Variants in CCDC77 observed in about 807,000 individuals in gnomAD.
CCDC77 encodes coiled-coil domain-containing protein 77.
Under a neutral mutation model 66.8 loss-of-function variants are expected in CCDC77, and 56 were observed. The observed-to-expected ratio is 0.84, with a 90% CI of 0.68 to 1.05. The LOEUF (loss-of-function observed/expected upper bound fraction) is 1.05. Ranked by LOEUF, CCDC77 falls within the 50% of genes least tolerant of loss-of-function variation. CCDC77 has a pLI of 0.00. For missense variants in CCDC77, 570 were observed against 576.8 expected (o/e 0.99, Z 0.12); for synonymous variants, 196 against 195.2 (o/e 1.00, Z -0.03).
At chr12:437,406 T>C (rs1945778250) in intron 9 of CCDC77, among the ~76,000 whole-genome samples, 1 of 152,146 alleles carries the variant, frequency 6.6e-6, no homozygotes, top group African/African-American at 2.4e-5. Context: ...AAAAAGTGCA[T>C]GTTGACAGTT....
chr12:428,745 G>T (rs1188159779), intron 5 of CCDC77, 24 bp from the exon 6 acceptor site: 3 of 1,517,968 alleles, frequency 2.0e-6, no homozygotes, highest in South Asian at 2.3e-5. Context: ...AATAATATGT[G>T]CTTGCTTTCC....
At chr12:397,587 G>C (rs1944844908), upstream of CCDC77, among the ~76,000 whole-genome samples, 1 of 151,966 alleles carries the variant, frequency 6.6e-6, no homozygotes, top group South Asian at 2.1e-4. Flanking sequence ...CGATACTGTA[G>C]TCTAGTGCAT....
In CCDC77 at chr12:423,470, G is replaced by GTGTT. The variant is rs1565572116; in HGVS notation, c.413+4835_413+4836insGTTT. On this transcript the variant is annotated intron_variant, in intron 5 of 12. Coordinates refer to ENST00000239830, the MANE Select transcript of CCDC77 (RefSeq NM_032358.4). The stretch of plus-strand genomic sequence containing the variant: ...TTGTTATTTTCTGGGTGTTTTTTGT[G>GTGTT]TTTTTTGTGTTTTTTTTTGTTTTGT... Among the ~76,000 whole-genome samples the GTGTT allele has an allele frequency of 3.8e-4, 17 of 44,876 alleles. 3 individuals carry two copies. Among genetic ancestry groups the GTGTT allele is most frequent in the East Asian group, 3.4e-3 (3 of 880 alleles). 29.4% of individuals were successfully genotyped at this position (44,876 alleles called of 152,430 possible).
intron 10 of CCDC77, among the ~76,000 whole-genome samples, chr12:438,855 T>G (rs370359901): frequency 2.7e-5 from 4 of 149,920 alleles, no homozygotes; most frequent in East Asian, 4.0e-4. Context: ...AATCGTGAGG[T>G]CAGGAGTTCA....
At chr12:429,444 G>A (rs1945604670) in intron 6 of CCDC77, among the ~76,000 whole-genome samples, 1 of 149,268 alleles carries the variant, frequency 6.7e-6, no homozygotes, top group South Asian at 2.1e-4. Context: ...GTTTTCTAAA[G>A]GTCCTTGGCC....
chr12:409,290 A>C (rs1434330744), intron 2 of CCDC77, 78 bp from the exon 3 acceptor site: 18 of 938,400 alleles, frequency 1.9e-5, no homozygotes, highest in Non-Finnish European at 3.1e-5. Context: ...GATGTTGAAG[A>C]GGGAACCAGT....
At position 440,933 on chromosome 12, in the gene CCDC77, C is replaced by T. The variant is rs757639529; in HGVS notation, c.1257C>T (p.Gly419=). Residue 419 remains glycine (G), a synonymous_variant, in exon 12 of 13, where the codon GGC becomes GGT. Transcript: ENST00000239830. ...LERRRILEVE[G]FKTDIKVLRQ... is the part of the protein sequence containing the mutation. ...GTCGACGTATCCTGGAAGTAGAAGG[C>T]TTTAAGACAGATATTAAAGTTCTCC... 9.9e-6 allele frequency: 16 copies of T among 1,613,476 alleles called. No homozygotes were observed. The highest frequency in any genetic ancestry group is 1.3e-5 in the Non-Finnish European group (15 of 1,180,012).
intron 4 of CCDC77, among the ~76,000 whole-genome samples, chr12:414,662 C>T (rs780650117): frequency 1.2e-4 from 19 of 152,194 alleles, no homozygotes; most frequent in Admixed American, 3.3e-4. Context: ...CGCCTTCCTC[C>T]GTTTCTCATG....
Position 438,371 on chromosome 12 carries a change from C to T in CCDC77, c.858C>T (p.Thr286=), listed in dbSNP as rs1254035178. ...HHTQELLYES[T]KDFLQLRSEN... ...CCCAAGAACTGCTCTATGAGAGCAC[C>T]AAAGATTTTCTGCAACTCAGATCTG... Residue 286 remains threonine, a synonymous_variant, in exon 10 of 13, where the codon ACC becomes ACT. Transcript: ENST00000239830. 1.9e-6 allele frequency: 3 copies of T among 1,613,782 alleles called. No homozygotes were observed. In the African/African-American group the frequency reaches 4.0e-5, roughly 22 times the overall value.
At chr12:432,794 TG>T (rs932157167) in intron 8 of CCDC77, among the ~76,000 whole-genome samples, 47 of 152,324 alleles carry the variant, frequency 3.1e-4, no homozygotes, top group African/African-American at 1.1e-3. Context: ...CCCAGCATTT[TG>T]GGAGGCCAAG....
chr12:438,756 C>A (rs775913974), intron 10 of CCDC77: 1 of 506,330 alleles, frequency 2.0e-6, no homozygotes, highest in African/African-American at 2.0e-5. Context: ...TTCATTCATT[C>A]ATTCATTCAA....
In CCDC77 at chr12:441,997, G is replaced by A; in HGVS notation, c.*77G>A. ...CTGAGGACAAGGTCATCTGCTGCCA[G>A]AAAATGTAAACCTGAGTTGACTAGA... On this transcript the variant is annotated 3_prime_UTR_variant, in exon 13 of 13. Transcript: ENST00000239830. 3 of 1,507,616 alleles carry A rather than the reference G, an allele frequency of 2.0e-6. No individual in the cohort carries two copies. The highest frequency in any genetic ancestry group is 2.7e-6 in the Non-Finnish European group (3 of 1,092,992). 93.4% of individuals were successfully genotyped at this position (1,507,616 alleles called of 1,614,324 possible). A position where few individuals can be genotyped will look rare whatever the true frequency, so the allele number is the denominator to read the frequency against.
intron 2 of CCDC77, among the ~76,000 whole-genome samples, chr12:408,664 G>A (rs768147366): frequency 4.6e-5 from 7 of 152,016 alleles, no homozygotes; most frequent in Middle Eastern, 3.2e-3. Context: ...ACTGCACCTC[G>A]CTCTATGTAC....
chr12:430,617 T>C (rs371863766), intron 6 of CCDC77, 47 bp from the exon 7 acceptor site: 1 of 1,381,982 alleles, frequency 7.2e-7, no homozygotes, highest in South Asian at 1.2e-5. Context: ...AAGTAAAATA[T>C]TACGTTTATA....
At chr12:434,157 T>C (rs757442518) in intron 9 of CCDC77, among the ~76,000 whole-genome samples, 1 of 150,712 alleles carries the variant, frequency 6.6e-6, no homozygotes, top group Non-Finnish European at 1.5e-5. Flanking sequence ...ATAATGCACA[T>C]ACTTTAAAAA....
intron 1 of CCDC77, among the ~76,000 whole-genome samples, chr12:391,190 G>A (rs1944749632): frequency 6.6e-6 from 1 of 152,164 alleles, no homozygotes. Flanking sequence ...AGTGGCTCAC[G>A]CCTGTAATCC....
At chr12:389,370 C>T in exon 1 of CCDC77, 2 of 595,856 alleles carry the variant, frequency 3.4e-6, no homozygotes, top group South Asian at 1.9e-5. Flanking sequence ...AGCTGCACGA[C>T]GCCTGTGTGT....
chr12:413,820 G>T (rs1247338475), intron 4 of CCDC77, among the ~76,000 whole-genome samples: 1 of 150,756 alleles, frequency 6.6e-6, no homozygotes, highest in East Asian at 2.0e-4. Flanking sequence ...TAGAGGCAGG[G>T]TTTCACTGTG....
At chr12:423,294 T>TTA (rs71045059) in intron 5 of CCDC77, among the ~76,000 whole-genome samples, 50,067 of 121,734 alleles carry the variant, frequency 0.41, 10,251 homozygotes, top group South Asian at 0.58. Context: ...CAGCTAATTT[T>TTA]TATATATATA....
Sources: allele counts gnomAD v4.1 joint callset (sites outside exome capture counted in the v4.1 genomes callset), GRCh38; gene constraint gnomAD v4.1.1; transcripts MANE v1.5; gene names NCBI Gene and HGNC (gene_info 2026-07-23, HGNC 2026-07-21).